Variants in SPACA3 observed in about 807,000 individuals in gnomAD.
SPACA3 encodes the protein sperm acrosome membrane-associated protein 3.
Under a neutral mutation model 24.5 loss-of-function variants are expected in SPACA3, and 21 were observed. The observed-to-expected ratio is 0.86, with a 90% confidence interval of 0.61 to 1.24. The LOEUF is 1.24. Ranked by LOEUF, SPACA3 falls within the 50% of genes most tolerant of loss-of-function variation. The pLI is 0.00. For synonymous variants in SPACA3, 115 were observed against 106.9 expected (o/e 1.08, Z -0.47); for missense variants, 278 against 275.5 (o/e 1.01, Z -0.06).
At chr17:32,996,486 C>T (rs140383744) in intron 2 of SPACA3, among the ~76,000 whole-genome samples, 1,449 of 99,094 alleles carry the variant, frequency 0.015, 8 homozygotes, top group Non-Finnish European at 0.022. Flanking sequence ...GAGACTCCGT[C>T]TCAAAAAAAA....
chr17:32,997,204 T>C (rs2091727441), intron 3 of SPACA3, among the ~76,000 whole-genome samples: 1 of 151,992 alleles, frequency 6.6e-6, no homozygotes, highest in Non-Finnish European at 1.5e-5. Context: ...GAGACTGCCT[T>C]AGGGCTATAG....
In SPACA3 at chr17:32,995,734, C is replaced by T; in HGVS notation, c.343+17C>T. Reference sequence around the variant, plus strand: ...TGGCTGACTGTGAGAACCCCTCTCCCTGGCGGGCCCTGACTTCCCCACACC... The same window carrying T: ...TGGCTGACTGTGAGAACCCCTCTCCTTGGCGGGCCCTGACTTCCCCACACC... On this transcript the variant is annotated intron_variant, in intron 2 of 4. Transcript: ENST00000269053. The T allele has an allele frequency of 6.2e-7, 1 of 1,603,230 alleles. No homozygotes were observed. Among genetic ancestry groups the T allele is most frequent in the Non-Finnish European group, 8.5e-7 (1 of 1,172,548 alleles).
intron 1 of SPACA3, among the ~76,000 whole-genome samples, chr17:32,994,217 G>C (rs989956559): frequency 2.6e-5 from 4 of 152,304 alleles, no homozygotes; most frequent in African/African-American, 9.6e-5. Context: ...GTTAGTTGTA[G>C]TTCATAACAG....
chr17:32,992,598 CAG>C (rs1183755384), intron 1 of SPACA3, among the ~76,000 whole-genome samples: 3 of 152,172 alleles, frequency 2.0e-5, no homozygotes, highest in African/African-American at 7.2e-5. Context: ...CCTCGTGTGA[CAG>C]AGGATGTGGA....
chr17:32,995,005 A>C (rs1366664579), intron 1 of SPACA3, among the ~76,000 whole-genome samples: 4 of 151,928 alleles, frequency 2.6e-5, no homozygotes, highest in Non-Finnish European at 4.4e-5. Flanking sequence ...TCTGGGGGAG[A>C]CCTTGTTTCA....
chr17:32,992,638 T>C, intron 1 of SPACA3, among the ~76,000 whole-genome samples: 1 of 151,042 alleles, frequency 6.6e-6, no homozygotes, highest in South Asian at 2.1e-4. Context: ...GTGTGGGGGG[T>C]GGTGGCATGC....
intron 1 of SPACA3, among the ~76,000 whole-genome samples, chr17:32,993,170 C>T (rs1010595844): frequency 1.3e-5 from 2 of 152,060 alleles, no homozygotes; most frequent in African/African-American, 4.8e-5. Flanking sequence ...TTTTAAAGCA[C>T]ATAAGGAAAG....
chr17:32,992,765 G>A (rs1266174868), intron 1 of SPACA3: 1 of 407,164 alleles, frequency 2.5e-6, no homozygotes, highest in Non-Finnish European at 4.9e-6. Flanking sequence ...CATTGTGAGA[G>A]AACAAGGTGG....
At chr17:32,997,100 T>A in intron 3 of SPACA3, 99 bp downstream of exon 3, 1 of 1,356,694 alleles carries the variant, frequency 7.4e-7, no homozygotes, top group Non-Finnish European at 9.9e-7. Context: ...TGAGTGAGGG[T>A]TCCCCCACAT....
chr17:32,993,924 G>T (rs1012848733), intron 1 of SPACA3, among the ~76,000 whole-genome samples: 1 of 152,054 alleles, frequency 6.6e-6, no homozygotes, highest in African/African-American at 2.4e-5. Flanking sequence ...GGGAAGATGG[G>T]CCTGCATGAG....
chr17:32,992,082 G>A lies in SPACA3; in HGVS notation c.34+110G>A. On this transcript the variant is annotated intron_variant, in intron 1 of 4. Transcript: ENST00000269053. ...TGGTGGTTAGGGTGGGGTTATCCTG[G>A]CCTGGAAGAGTGACCAGCTGAGAGA... The A allele has an allele frequency of 2.7e-6, 3 of 1,130,878 alleles. No homozygotes were observed. In the East Asian group the frequency reaches 7.8e-5, roughly 29 times the overall value. The allele number at this position is 1,130,878 out of a possible 1,614,324, so 70.1% of individuals were successfully genotyped here. A position where few individuals can be genotyped will look rare whatever the true frequency, so the allele number is the denominator to read the frequency against.
chr17:32,993,314 G>A (rs936767678), intron 1 of SPACA3, among the ~76,000 whole-genome samples: 11 of 152,336 alleles, frequency 7.2e-5, no homozygotes, highest in African/African-American at 2.6e-4. Flanking sequence ...AGATGCCACA[G>A]GGGTTGCCAG....
chr17:32,997,640 T>C lies in SPACA3; in HGVS notation c.582-72T>C, dbSNP rs963582459. 3 of 1,562,692 alleles carry C rather than the reference T, an allele frequency of 1.9e-6. No individual in the cohort carries two copies. The Admixed American group carries it at 5.0e-5, about 26-fold the overall frequency. On this transcript the variant is annotated intron_variant, in intron 4 of 4. Coordinates refer to ENST00000269053, the MANE Select transcript of SPACA3 (RefSeq NM_173847.5). The stretch of plus-strand genomic sequence containing the variant: ...GGTTTAGAGACCACACTCTCCTTCT[T>C]GTTCTTCTCTGGGCGGTGACTGGCA...
rs767527924 is a variant in SPACA3, at chr17:32,996,879, C to A, written c.380C>A (p.Ala127Glu). The change falls in exon 3 of 5, where the codon GCA (alanine) becomes GAA (glutamate). Residue 127 changes from alanine to glutamate, a missense_variant. Physicochemically the swap from Ala to Glu is moderately radical, Grantham distance 107. Transcript: ENST00000269053. Reference sequence around the variant, plus strand: ...GCTTATTTCACAAGCGGTTTCAACGCAGCTGCTTTGGACTACGAGGCTGAT... The same window carrying A: ...GCTTATTTCACAAGCGGTTTCAACGAAGCTGCTTTGGACTACGAGGCTGAT... ...CLAYFTSGFN[A>E]AALDYEADGS... 8 of 1,608,302 alleles carry A rather than the reference C, an allele frequency of 5.0e-6. No homozygotes were observed.
chr17:32,995,826 C>A, intron 2 of SPACA3, 109 bp downstream of exon 2: 1 of 1,259,696 alleles, frequency 7.9e-7, no homozygotes, highest in Non-Finnish European at 1.1e-6. Flanking sequence ...CTTTTAGAGC[C>A]CTTCTGTAAA....
intron 1 of SPACA3, chr17:32,993,075 T>C (rs2091700431): frequency 2.5e-6 from 1 of 396,452 alleles, no homozygotes; most frequent in Non-Finnish European, 5.1e-6. Context: ...GACTGATTGG[T>C]TGGAACTGGG....
rs188682297 is a variant in SPACA3 at position 32,993,768 on chromosome 17, G to A, written c.35-1641G>A. Among the ~76,000 whole-genome samples the A allele has an allele frequency of 2.6e-5, 4 of 152,144 alleles. No individual in the cohort carries two copies. In the East Asian group the frequency reaches 7.7e-4, roughly 29 times the overall value. ...GTAGCAGTCAGCATGAGACTTGAGG[G>A]AAGGCATTTAGAAGATGGAGACTGA... On this transcript the variant is annotated intron_variant, in intron 1 of 4. Transcript: ENST00000269053.
At chr17:32,993,791 T>C (rs2091706114) in intron 1 of SPACA3, among the ~76,000 whole-genome samples, 1 of 151,772 alleles carries the variant, frequency 6.6e-6, no homozygotes, top group Admixed American at 6.6e-5. Flanking sequence ...AGATGGAGAC[T>C]GAGAAAGTCT....
intron 2 of SPACA3, 50 bp downstream of exon 2, chr17:32,995,767 C>G: frequency 6.4e-7 from 1 of 1,563,656 alleles, no homozygotes. Context: ...ACCTCCCTCC[C>G]TCTTTCCCTC....
Sources: gnomAD v4.1 joint callset for allele counts (sites outside exome capture counted in the v4.1 genomes callset) on GRCh38, gnomAD v4.1.1 for gene constraint, MANE v1.5 for transcripts, NCBI Gene and HGNC (gene_info 2026-07-23, HGNC 2026-07-21) for gene names.